The following POC1A variants were observed in gnomAD, a reference collection of about 807,000 sequenced individuals.
POC1A encodes the protein POC1 centriolar protein A, also known as POC1 centriolar protein homolog A.
A neutral mutation model predicts 47.8 loss-of-function variants in POC1A; 34 were observed. The ratio of observed to expected loss-of-function variants is 0.71; its 90% CI spans 0.54 to 0.95. The LOEUF (loss-of-function observed/expected upper bound fraction) is 0.95, where lower values mean the gene tolerates loss of function less well. Ranked by LOEUF, POC1A falls within the 40% of genes least tolerant of loss-of-function variation. The pLI is 0.00. For synonymous variants in POC1A, 177 were observed against 207.6 expected, an observed-to-expected ratio of 0.85 and a Z score of 1.27; for missense variants, 466 against 528.3, an observed-to-expected ratio of 0.88 and a Z score of 1.16.
intron 1 of POC1A, among the ~76,000 whole-genome samples, chr3:52,154,019 T>G (rs928769697): frequency 1.3e-5 from 2 of 152,230 alleles, no homozygotes; most frequent in African/African-American, 2.4e-5. Context: ...AGCCACCCAC[T>G]GCTAAGGACG....
chr3:52,112,825 T>G (rs1703431699), intron 9 of POC1A, among the ~76,000 whole-genome samples: 1 of 152,202 alleles, frequency 6.6e-6, no homozygotes, highest in Non-Finnish European at 1.5e-5. Context: ...ACTTTCTTCT[T>G]CCCTTAATTC....
At chr3:52,105,981 T>C (rs1005970982) in intron 9 of POC1A, among the ~76,000 whole-genome samples, 1 of 151,444 alleles carries the variant, frequency 6.6e-6, no homozygotes, top group African/African-American at 2.4e-5. Flanking sequence ...GATCACGAGG[T>C]CAGGAGATCG....
chr3:52,151,001 G>A lies in POC1A; in HGVS notation c.103+15C>T, dbSNP rs1202867546. 10 of 1,613,038 alleles carry A rather than the reference G, an allele frequency of 6.2e-6. No homozygotes were observed. Among genetic ancestry groups the A allele is most frequent in the Non-Finnish European group, 7.6e-6 (9 of 1,179,332 alleles). On this transcript the variant is annotated intron_variant, in intron 2 of 10. Transcript: ENST00000296484. ...AGCTCATAACCTAGCACCTAGACAG[G>A]GTGCCTCTTCTTACCCAGCTGCTTT... is the stretch of plus-strand genomic sequence containing the variant.
rs1335698441 is a variant in POC1A at position 52,122,439 on chromosome 3, A to C, written c.921T>G (p.His307Gln). 3 of 1,612,626 alleles carry C rather than the reference A, an allele frequency of 1.9e-6. No homozygotes were observed. The stretch of plus-strand genomic sequence containing the variant: ...GCCTCGGCACTTTCGTGACTTCTCC[A>C]TGATCAACAATATCAAAGTTACTCT... ...VWKSNFDIVD[H>Q]GEVTKVPRPP... is the part of the protein sequence containing the mutation. Residue 307 changes from histidine to glutamine, a missense_variant, in exon 9 of 11, where the codon CAT becomes CAG. By Grantham distance (24) the His-to-Gln change is conservative. Coordinates refer to ENST00000296484, the MANE Select transcript of POC1A (RefSeq NM_015426.5).
At chr3:52,135,554 T>C (rs1471833173) in intron 7 of POC1A, among the ~76,000 whole-genome samples, 1 of 152,140 alleles carries the variant, frequency 6.6e-6, no homozygotes, top group Non-Finnish European at 1.5e-5. Flanking sequence ...ACCTGGCCCA[T>C]TAGCTGATTC....
At chr3:52,088,191 C>G (rs964589755) in intron 10 of POC1A, among the ~76,000 whole-genome samples, 1 of 152,146 alleles carries the variant, frequency 6.6e-6, no homozygotes, top group Admixed American at 6.5e-5. Context: ...GCAGCTACCA[C>G]CCAACAAGGC....
At chr3:52,078,684 T>G (rs1702193737) in intron 10 of POC1A, among the ~76,000 whole-genome samples, 1 of 152,130 alleles carries the variant, frequency 6.6e-6, no homozygotes, top group African/African-American at 2.4e-5. Context: ...CTAATATTTT[T>G]GTATTTTTAG....
At chr3:52,130,491 C>T (rs1340637042) in intron 7 of POC1A, among the ~76,000 whole-genome samples, 4 of 152,210 alleles carry the variant, frequency 2.6e-5, no homozygotes, top group Non-Finnish European at 1.5e-5. Flanking sequence ...CTGACCCTGG[C>T]CGAAGACACC....
chr3:52,117,744 T>C (rs753318821), intron 9 of POC1A, among the ~76,000 whole-genome samples: 1 of 152,010 alleles, frequency 6.6e-6, no homozygotes, highest in Non-Finnish European at 1.5e-5. Flanking sequence ...TGTGTTCTCC[T>C]CCCACCCCAC....
intron 10 of POC1A, among the ~76,000 whole-genome samples, chr3:52,091,597 CTTCT>C (rs999912912): frequency 2.0e-5 from 3 of 152,132 alleles, no homozygotes; most frequent in African/African-American, 7.2e-5. Context: ...TGGGGAATGA[CTTCT>C]TTCTCCCCTC....
intron 9 of POC1A, among the ~76,000 whole-genome samples, chr3:52,107,519 C>T (rs529496498): frequency 5.3e-5 from 8 of 152,312 alleles, no homozygotes; most frequent in Non-Finnish European, 1.2e-4. Context: ...TCCTTGAGGG[C>T]GGCTCTGGTT....
intron 10 of POC1A, among the ~76,000 whole-genome samples, chr3:52,088,069 T>C (rs1702520727): frequency 1.3e-5 from 2 of 152,192 alleles, no homozygotes; most frequent in Non-Finnish European, 1.5e-5. Context: ...CCATATAAAG[T>C]AGTTAGTTAA....
At chr3:52,117,860 T>C (rs1015228659) in intron 9 of POC1A, among the ~76,000 whole-genome samples, 3 of 152,074 alleles carry the variant, frequency 2.0e-5, no homozygotes, top group African/African-American at 7.2e-5. Flanking sequence ...TAAAAAGTGG[T>C]TAAAAAATGC....
intron 7 of POC1A, among the ~76,000 whole-genome samples, chr3:52,127,394 CT>C (rs11348693): frequency 0.096 from 13,761 of 143,176 alleles, 1,146 homozygotes; most frequent in East Asian, 0.36. Context: ...TACTTTGAAC[CT>C]TTTTTTTTTT....
intron 10 of POC1A, among the ~76,000 whole-genome samples, chr3:52,078,503 CTTTTT>C (rs531817608): frequency 2.6e-5 from 3 of 113,532 alleles, no homozygotes; most frequent in African/African-American, 6.9e-5. Context: ...ATGGAAATCT[CTTTTT>C]TTTTTTTTTT....
chr3:52,149,374 A>G lies in POC1A; in HGVS notation c.291T>C (p.Thr97=). The G allele has an allele frequency of 6.2e-7, 1 of 1,614,104 alleles. No homozygotes were observed. The highest frequency in any genetic ancestry group is 1.1e-5 in the South Asian group (1 of 91,080). Residue 97 remains threonine, a synonymous_variant, in exon 4 of 11, where the codon ACT becomes ACC. Coordinates refer to ENST00000296484, the MANE Select transcript of POC1A (RefSeq NM_015426.5). The part of the protein sequence containing the change: ...IWVPNVKGES[T]VFRAHTATVR... ...CTGTGGCTGTGTGTGCACGAAACAC[A>G]GTGGACTCACCTTTGCTACAAGGAC...
At chr3:52,095,587 C>T (rs1702788640) in intron 10 of POC1A, among the ~76,000 whole-genome samples, 2 of 152,094 alleles carry the variant, frequency 1.3e-5, no homozygotes, top group Admixed American at 1.3e-4. Flanking sequence ...CCTCTTGCAG[C>T]CTCGCTCTAC....
Position 52,076,003 on chromosome 3 carries a change from G to T in POC1A, c.1126-18C>A, listed in dbSNP as rs1313499543. On this transcript the variant is annotated intron_variant, in intron 10 of 10. Coordinates refer to ENST00000296484, the MANE Select transcript of POC1A (RefSeq NM_015426.5). ...GAGACTGTCTGCAAAATAAACAGTG[G>T]TTGGGTCAGAACACAGAAGGGCCGC... The T allele has an allele frequency of 6.3e-7, 1 of 1,599,408 alleles. No individual in the cohort carries two copies. The highest frequency in any genetic ancestry group is 2.2e-5 in the East Asian group (1 of 44,782).
At chr3:52,096,212 A>G (rs1278226439) in intron 10 of POC1A, among the ~76,000 whole-genome samples, 2 of 152,248 alleles carry the variant, frequency 1.3e-5, no homozygotes, top group African/African-American at 2.4e-5. Context: ...GCCCTGACTC[A>G]CTACTCAGTT....
Sources: allele counts gnomAD v4.1 joint callset (sites outside exome capture counted in the v4.1 genomes callset), GRCh38; gene constraint gnomAD v4.1.1; transcripts MANE v1.5; gene names NCBI Gene and HGNC (gene_info 2026-07-23, HGNC 2026-07-21).